SRPRB: variants seen among roughly 807,000 people sequenced by gnomAD.
The protein encoded by SRPRB is SRP receptor subunit beta.
SRPRB carries 20 observed loss-of-function variants against 31.9 expected under a neutral mutation model. That is an observed-to-expected ratio of 0.63 (90% CI 0.44 to 0.91). The LOEUF (loss-of-function observed/expected upper bound fraction) is 0.91, where lower values mean the gene tolerates loss of function less well. SRPRB is among the 40% of genes least tolerant of loss of function. SRPRB has a pLI of 0.00. For synonymous variants in SRPRB, 146 were observed against 132.8 expected (o/e 1.10, Z -0.68); for missense variants, 321 against 324.9 (o/e 0.99, Z 0.09).
chr3:133,817,028 A>T, intron 6 of SRPRB, 96 bp downstream of exon 6: 1 of 938,178 alleles, frequency 1.1e-6, no homozygotes, highest in Non-Finnish European at 1.6e-6. Flanking sequence ...TTATGTGATT[A>T]TCACAATTAT....
At chr3:133,804,137 G>A (rs1405747669), upstream of SRPRB, among the ~76,000 whole-genome samples, 4 of 142,698 alleles carry the variant, frequency 2.8e-5, no homozygotes, top group African/African-American at 1.0e-4. Flanking sequence ...AATGTTTTTT[G>A]CAGAGACAGA....
chr3:133,816,756 T>C, intron 5 of SRPRB, 122 bp from the exon 6 acceptor site: 2 of 656,748 alleles, frequency 3.0e-6, no homozygotes, highest in Non-Finnish European at 5.0e-6. Flanking sequence ...TGATAAAAGG[T>C]CTTTTTTTAA....
intron 4 of SRPRB, among the ~76,000 whole-genome samples, chr3:133,813,328 C>T (rs1935308478): frequency 6.6e-6 from 1 of 152,238 alleles, no homozygotes; most frequent in Non-Finnish European, 1.5e-5. Flanking sequence ...ATGATCATTT[C>T]TCACACTCTG....
intron 4 of SRPRB, among the ~76,000 whole-genome samples, chr3:133,814,587 C>T (rs1333180863): frequency 1.3e-5 from 2 of 152,078 alleles, no homozygotes; most frequent in South Asian, 2.1e-4. Context: ...TACAGGCTCC[C>T]GCCACCATAT....
chr3:133,800,160 T>C (rs767077302), intron 1 of SRPRB, among the ~76,000 whole-genome samples: 94 of 152,338 alleles, frequency 6.2e-4, no homozygotes, highest in South Asian at 1.0e-3. Context: ...ATTTGTTCTC[T>C]GTGCTGCTCC....
intron 1 of SRPRB, chr3:133,793,228 T>C (rs1274605389): frequency 1.3e-5 from 2 of 152,170 alleles, no homozygotes; most frequent in Non-Finnish European, 2.9e-5. Context: ...CTTCCATCTA[T>C]CAACATGGAA....
At chr3:133,811,809 C>G (rs560930962) in intron 4 of SRPRB, among the ~76,000 whole-genome samples, 3 of 152,108 alleles carry the variant, frequency 2.0e-5, no homozygotes, top group Non-Finnish European at 2.9e-5. Context: ...GTCTCGAACT[C>G]CTGACCTCAT....
chr3:133,786,458 C>G (rs1191941132), intron 1 of SRPRB: 1 of 152,116 alleles, frequency 6.6e-6, no homozygotes, highest in Non-Finnish European at 1.5e-5. Flanking sequence ...TGTAAGAGCT[C>G]TATGCCAATG....
upstream of SRPRB, among the ~76,000 whole-genome samples, chr3:133,802,883 C>T (rs1036918795): frequency 9.2e-5 from 14 of 152,300 alleles, no homozygotes; most frequent in African/African-American, 3.1e-4. Flanking sequence ...GCTACTCTTA[C>T]GTTGGATCCA....
In SRPRB at chr3:133,805,996, A is replaced by T; in HGVS notation, c.148A>T (p.Thr50Ser). ...VVVAVLAVLL[T>S]LVFWKLIRSR... ...GGTGGCGGTTCTTGCGGTGCTGCTG[A>T]CGCTAGGTAAAAGGCGGCCGGTGGT... Residue 50 changes from threonine to serine, a missense_variant, in exon 1 of 7, where the codon ACG becomes TCG. Thr to Ser is a moderately conservative substitution (Grantham distance 58). Transcript: ENST00000678299. The T allele has an allele frequency of 6.2e-7, 1 of 1,612,818 alleles. No individual in the cohort carries two copies. The highest frequency in any genetic ancestry group is 1.1e-5 in the South Asian group (1 of 90,954).
chr3:133,786,357 G>A (rs1447963026), intron 1 of SRPRB: 2 of 151,996 alleles, frequency 1.3e-5, no homozygotes, highest in African/African-American at 4.8e-5. Flanking sequence ...CATATGTAAT[G>A]TTGTTTTGGT....
In SRPRB at chr3:133,819,808, G is replaced by A. The variant is rs756043624; in HGVS notation, c.*42G>A. 1.0e-4 allele frequency: 163 copies of A among 1,583,370 alleles called. No homozygotes were observed. The highest frequency in any genetic ancestry group is 1.3e-4 in the Non-Finnish European group (152 of 1,159,542). On this transcript the variant is annotated 3_prime_UTR_variant, in exon 7 of 7. Coordinates refer to ENST00000678299, the MANE Select transcript of SRPRB (RefSeq NM_001379313.1). ...ACAAGACCTGGATGTGTGACACACA[G>A]TTTTGGAAAAAGGTCTGTGGTAGTC...
At position 133,812,325 on chromosome 3, in the gene SRPRB, T is replaced by A. The variant is rs115745959; in HGVS notation, c.410+1126T>A. Among the ~76,000 whole-genome samples the A allele has an allele frequency of 2.7e-3, 415 of 152,380 alleles. 1 individual carries two copies. The highest frequency in any genetic ancestry group is 8.9e-3 in the African/African-American group (371 of 41,590). ...GTGGTGATGAACAATTTGTCACAGA[T>A]AAGAAAATTCCTTGGACAATTGAGA... On this transcript the variant is annotated intron_variant, in intron 4 of 6. Transcript: ENST00000678299.
At chr3:133,825,821 G>C (rs1266975459), downstream of SRPRB, 2 of 152,220 alleles carry the variant, frequency 1.3e-5, no homozygotes, top group East Asian at 3.8e-4. Context: ...CTAGTCTTTG[G>C]GGAGAGGGAC....
downstream of SRPRB, chr3:133,825,227 C>T (rs187881086): frequency 2.0e-5 from 3 of 152,326 alleles, no homozygotes; most frequent in Non-Finnish European, 4.4e-5. Context: ...GCTGCTCTAC[C>T]TGCAGGATGC....
chr3:133,801,508 C>G (rs1251953381), upstream of SRPRB, among the ~76,000 whole-genome samples: 1 of 152,118 alleles, frequency 6.6e-6, no homozygotes, highest in Admixed American at 6.5e-5. Context: ...TTTCTTGAAC[C>G]TTTTTTCTTC....
downstream of SRPRB, among the ~76,000 whole-genome samples, chr3:133,822,407 G>A (rs79275817): frequency 3.2e-4 from 48 of 152,314 alleles, no homozygotes; most frequent in East Asian, 9.3e-3. Context: ...TAGTGGGTAT[G>A]GACACGGGCA....
intron 1 of SRPRB, chr3:133,795,766 C>G: frequency 6.6e-6 from 1 of 151,854 alleles, no homozygotes; most frequent in Non-Finnish European, 1.5e-5. Flanking sequence ...TTAGTGGAGA[C>G]GGGGTTTCAC....
At chr3:133,808,609 G>A (rs148735008) in intron 3 of SRPRB, among the ~76,000 whole-genome samples, 1 of 151,982 alleles carries the variant, frequency 6.6e-6, no homozygotes, top group Admixed American at 6.6e-5. Flanking sequence ...GGAATCATGG[G>A]GCCTGGCTTG....
Sources: allele counts gnomAD v4.1 joint callset (sites outside exome capture counted in the v4.1 genomes callset), GRCh38; gene constraint gnomAD v4.1.1; transcripts MANE v1.5; gene names NCBI Gene and HGNC (gene_info 2026-07-23, HGNC 2026-07-21).